Variants in ELMO1 observed in about 807,000 individuals in gnomAD.
ELMO1 encodes engulfment and cell motility 1.
ELMO1 carries 26 observed loss-of-function variants against 98.9 expected under a neutral mutation model. The observed-to-expected ratio is 0.26, with a 90% CI of 0.19 to 0.36. The LOEUF (loss-of-function observed/expected upper bound fraction) is 0.36. Among genes scored for constraint, ELMO1 ranks in the 10% least tolerant of loss-of-function variants. The pLI, the probability that ELMO1 is intolerant of heterozygous loss-of-function variation, is 1.00. For synonymous variants in ELMO1, 346 were observed against 346.0 expected, an observed-to-expected ratio of 1.00 and a Z score of 0.00; for missense variants, 627 against 935.2, an observed-to-expected ratio of 0.67 and a Z score of 4.30.
chr7:37,171,481 C>CTTTTTTTTTTTTTT (rs71553100), intron 13 of ELMO1, among the ~76,000 whole-genome samples: 4 of 44,294 alleles, frequency 9.0e-5, no homozygotes, highest in East Asian at 6.7e-4. Flanking sequence ...CCAGGCCTTT[C>CTTTTTTTTTTTTTT]TATTTTTTTT....
chr7:37,322,347 G>A (rs1391741821), intron 2 of ELMO1, among the ~76,000 whole-genome samples: 1 of 152,072 alleles, frequency 6.6e-6, no homozygotes, highest in Non-Finnish European at 1.5e-5. Flanking sequence ...TGGATGTGGT[G>A]GCTCACGCCT....
At chr7:37,283,776 G>A (rs1334452737) in intron 4 of ELMO1, among the ~76,000 whole-genome samples, 1 of 152,240 alleles carries the variant, frequency 6.6e-6, no homozygotes, top group South Asian at 2.1e-4. Flanking sequence ...TGGCAACAGA[G>A]ACACGTCTAT....
At chr7:37,389,326 A>G (rs1431872163) in intron 1 of ELMO1, among the ~76,000 whole-genome samples, 1 of 152,240 alleles carries the variant, frequency 6.6e-6, no homozygotes, top group East Asian at 1.9e-4. Flanking sequence ...CACATTAAGC[A>G]AAACAGCCAC....
intron 6 of ELMO1, among the ~76,000 whole-genome samples, chr7:37,253,762 G>T (rs6945166): frequency 0.32 from 47,329 of 150,154 alleles, 7,585 homozygotes; most frequent in Middle Eastern, 0.43. Flanking sequence ...TGGGTAATGA[G>T]GGGCGGGCAA....
chr7:37,248,673 G>A (rs186710886), intron 6 of ELMO1, among the ~76,000 whole-genome samples: 89 of 152,348 alleles, frequency 5.8e-4, no homozygotes, highest in Non-Finnish European at 8.8e-5. Flanking sequence ...GAGACCACAG[G>A]AGCAGCTTCT....
At chr7:37,108,366 C>T (rs1785054537) in intron 14 of ELMO1, among the ~76,000 whole-genome samples, 1 of 152,180 alleles carries the variant, frequency 6.6e-6, no homozygotes, top group Admixed American at 6.5e-5. Flanking sequence ...CTCAATTTTC[C>T]CTCTCCTTCA....
At chr7:36,956,314 A>G (rs866697155) in intron 16 of ELMO1, among the ~76,000 whole-genome samples, 5 of 152,194 alleles carry the variant, frequency 3.3e-5, no homozygotes, top group African/African-American at 1.2e-4. Context: ...GCCACAATCC[A>G]TTGATGATTT....
At chr7:37,151,977 T>C (rs1788395751) in intron 13 of ELMO1, among the ~76,000 whole-genome samples, 1 of 152,122 alleles carries the variant, frequency 6.6e-6, no homozygotes, top group African/African-American at 2.4e-5. Flanking sequence ...GAGAACAAGC[T>C]TTTGGGAATG....
chr7:37,150,044 C>T (rs1472249525), intron 13 of ELMO1, among the ~76,000 whole-genome samples: 4 of 152,134 alleles, frequency 2.6e-5, no homozygotes, highest in Non-Finnish European at 4.4e-5. Flanking sequence ...CACAGTGACT[C>T]AATGCCCAAA....
At chr7:37,107,248 G>A (rs1243114668) in intron 14 of ELMO1, among the ~76,000 whole-genome samples, 1 of 152,122 alleles carries the variant, frequency 6.6e-6, no homozygotes, top group Non-Finnish European at 1.5e-5. Context: ...TTCCTTTTAT[G>A]TACCTCTATA....
At chr7:36,953,120 C>G (rs1788129850) in intron 16 of ELMO1, among the ~76,000 whole-genome samples, 1 of 151,928 alleles carries the variant, frequency 6.6e-6, no homozygotes, top group Non-Finnish European at 1.5e-5. Flanking sequence ...CACCCGCCAC[C>G]ACGCCCGGCT....
chr7:36,905,231 C>G (rs1002337264), intron 16 of ELMO1, among the ~76,000 whole-genome samples: 2 of 152,112 alleles, frequency 1.3e-5, no homozygotes, highest in Non-Finnish European at 2.9e-5. Flanking sequence ...CAAATTTATC[C>G]ATACTTTGCC....
intron 15 of ELMO1, among the ~76,000 whole-genome samples, chr7:37,069,749 G>T (rs1166821050): frequency 2.0e-5 from 3 of 152,112 alleles, no homozygotes; most frequent in Non-Finnish European, 4.4e-5. Context: ...AATAAACTTT[G>T]CTAGAATGTT....
intron 1 of ELMO1, among the ~76,000 whole-genome samples, chr7:37,392,774 G>A (rs1290450475): frequency 6.6e-6 from 1 of 152,202 alleles, no homozygotes. Context: ...GAGGAAATCT[G>A]CTAGTCTGAG....
At chr7:36,899,498 G>T (rs1278733935) in intron 16 of ELMO1, among the ~76,000 whole-genome samples, 1 of 152,160 alleles carries the variant, frequency 6.6e-6, no homozygotes, top group African/African-American at 2.4e-5. Context: ...AAGCATGAAA[G>T]AAAACATGCT....
chr7:37,288,395 T>G (rs1351377434), intron 4 of ELMO1, among the ~76,000 whole-genome samples: 1 of 152,212 alleles, frequency 6.6e-6, no homozygotes, highest in Non-Finnish European at 1.5e-5. Flanking sequence ...CGGCTCATTT[T>G]TGTATTATTA....
chr7:36,919,231 G>T (rs1227503078), intron 16 of ELMO1: 1 of 337,756 alleles, frequency 3.0e-6, no homozygotes, highest in Non-Finnish European at 6.5e-6. Flanking sequence ...ATGTTATCCA[G>T]CATTTGGTTA....
At chr7:36,994,617 T>C (rs1792081352) in intron 16 of ELMO1, among the ~76,000 whole-genome samples, 2 of 152,234 alleles carry the variant, frequency 1.3e-5, no homozygotes, top group South Asian at 4.1e-4. Context: ...CTCCCATTCC[T>C]TCCTCCTCCC....
intron 15 of ELMO1, among the ~76,000 whole-genome samples, chr7:37,074,432 G>A (rs1023133305): frequency 1.2e-4 from 18 of 152,120 alleles, no homozygotes; most frequent in South Asian, 2.1e-4. Context: ...TTCACTTTTC[G>A]GTTATCTTCA....
Sources: gnomAD v4.1 joint callset for allele counts (sites outside exome capture counted in the v4.1 genomes callset) on GRCh38, gnomAD v4.1.1 for gene constraint, MANE v1.5 for transcripts, NCBI Gene and HGNC (gene_info 2026-07-23, HGNC 2026-07-21) for gene names.